CCDC14: variants seen among roughly 807,000 people sequenced by gnomAD.
CCDC14 encodes coiled-coil domain-containing protein 14.
Under a neutral mutation model 81.4 loss-of-function variants are expected in CCDC14, and 71 were observed. The ratio of observed to expected loss-of-function variants is 0.87; its 90% confidence interval spans 0.72 to 1.06. CCDC14 has a LOEUF of 1.06. Ranked by LOEUF, CCDC14 falls within the 50% of genes least tolerant of loss-of-function variation. The pLI, the probability that CCDC14 is intolerant of heterozygous loss-of-function variation, is 0.00. For missense variants in CCDC14, 1,046 were observed against 1,047.3 expected (o/e 1.00, Z 0.02); for synonymous variants, 332 against 364.8 (o/e 0.91, Z 1.03).
downstream of CCDC14, among the ~76,000 whole-genome samples, chr3:123,896,367 A>G (rs1052630079): frequency 6.6e-6 from 1 of 152,164 alleles, no homozygotes; most frequent in African/African-American, 2.4e-5. Context: ...ATAAATGAAT[A>G]CCTTTTATTT....
chr3:123,947,444 A>G, intron 7 of CCDC14, 125 bp from the exon 8 acceptor site: 1 of 667,920 alleles, frequency 1.5e-6, no homozygotes, highest in Non-Finnish European at 2.4e-6. Context: ...CATTTTGTGA[A>G]TATTTAATAA....
At chr3:123,926,771 A>T (rs538117112) in intron 12 of CCDC14, among the ~76,000 whole-genome samples, 11 of 151,650 alleles carry the variant, frequency 7.3e-5, no homozygotes, top group Non-Finnish European at 1.6e-4. Flanking sequence ...CAGTCCCATT[A>T]CTCCTCCCCC....
chr3:123,939,727 G>A (rs1214142849), intron 9 of CCDC14, among the ~76,000 whole-genome samples: 1 of 151,636 alleles, frequency 6.6e-6, no homozygotes, highest in Non-Finnish European at 1.5e-5. Flanking sequence ...ACAAATATTT[G>A]TTAGAGTGAG....
At chr3:123,952,753 G>C in intron 5 of CCDC14, 1 of 329,226 alleles carries the variant, frequency 3.0e-6, no homozygotes, top group Non-Finnish European at 7.2e-6. Context: ...TAGTTAACAT[G>C]CTGTAATAGA....
chr3:123,919,040 T>A (rs2034884154), intron 12 of CCDC14, among the ~76,000 whole-genome samples: 1 of 151,944 alleles, frequency 6.6e-6, no homozygotes, highest in Admixed American at 6.6e-5. Flanking sequence ...GAGCATCTGG[T>A]CCCATAAGAA....
chr3:123,919,939 C>G (rs1055075805), intron 12 of CCDC14, among the ~76,000 whole-genome samples: 2 of 151,862 alleles, frequency 1.3e-5, no homozygotes, highest in Non-Finnish European at 2.9e-5. Flanking sequence ...AAATGAGAGA[C>G]AAAGAATTGA....
chr3:123,898,577 T>C (rs997663528), intron 5 of CCDC14, among the ~76,000 whole-genome samples: 6 of 152,212 alleles, frequency 3.9e-5, no homozygotes, highest in Non-Finnish European at 7.3e-5. Flanking sequence ...AGGGAACTTA[T>C]AGGTGAGTGG....
downstream of CCDC14, among the ~76,000 whole-genome samples, chr3:123,908,740 G>C (rs557371780): frequency 1.3e-5 from 2 of 152,224 alleles, no homozygotes; most frequent in Admixed American, 1.3e-4. Context: ...TTGGGATATG[G>C]GGAGGGGAGA....
At chr3:123,947,467 A>G (rs2036719656) in intron 7 of CCDC14, 148 bp from the exon 8 acceptor site, 5 of 610,630 alleles carry the variant, frequency 8.2e-6, no homozygotes, top group South Asian at 7.9e-5. Context: ...AGTTACCACT[A>G]TATTTTGAGG....
Position 123,913,464 on chromosome 3 carries a change from T to C in CCDC14, c.*1315A>G. 1.0e-6 allele frequency: 1 copy of C among 980,614 alleles called. No homozygotes were observed. Among genetic ancestry groups the C allele is most frequent in the South Asian group, 4.7e-5 (1 of 21,172 alleles). 60.7% of individuals were successfully genotyped at this position (980,614 alleles called of 1,614,324 possible). A position where few individuals can be genotyped will look rare whatever the true frequency, so the allele number is the denominator to read the frequency against. ...TATTTTTTATTTCTGAACTTATTTGTTAAAGAGTTGTGGCCTATTACCTCC... is the reference window on the plus strand; with the variant it reads ...TATTTTTTATTTCTGAACTTATTTGCTAAAGAGTTGTGGCCTATTACCTCC... On this transcript the variant is annotated 3_prime_UTR_variant, in exon 13 of 13. Coordinates refer to ENST00000409697, the MANE Select transcript of CCDC14 (RefSeq NM_001366335.1).
Position 123,915,478 on chromosome 3 carries a change from G to A in CCDC14, c.2019C>T (p.Asp673=). The A allele has an allele frequency of 6.2e-7, 1 of 1,613,962 alleles. No individual in the cohort carries two copies. The highest frequency in any genetic ancestry group is 8.5e-7 in the Non-Finnish European group (1 of 1,179,874). ...TIKNEETIEP[D]KTYENVLSSR... is the part of the protein sequence containing the mutation. ...AGGACAGAACATTTTCATAGGTTTT[G>A]TCTGGCTCTATGGTTTCCTCATTTT... The change falls in exon 13 of 13, where the codon GAC becomes GAT. Residue 673 remains aspartate, a synonymous_variant. Coordinates refer to ENST00000409697, the MANE Select transcript of CCDC14 (RefSeq NM_001366335.1).
In CCDC14 at chr3:123,913,705, A is replaced by G. The variant is rs907294573; in HGVS notation, c.*1074T>C. On this transcript the variant is annotated 3_prime_UTR_variant, in exon 13 of 13. Transcript: ENST00000409697. ...AAAAAAAACCACCAAAAAAACAAAA[A>G]ACACGAGGAGGTTCTGGGATTAGGA... The G allele has an allele frequency of 1.0e-6, 1 of 984,996 alleles. No homozygotes were observed. Among genetic ancestry groups the G allele is most frequent in the Non-Finnish European group, 1.2e-6 (1 of 829,852 alleles). The allele number at this position is 984,996 out of a possible 1,614,324, so 61.0% of individuals were successfully genotyped here.
At chr3:123,911,692 T>C (rs894045358), downstream of CCDC14, among the ~76,000 whole-genome samples, 2 of 152,164 alleles carry the variant, frequency 1.3e-5, no homozygotes, top group African/African-American at 4.8e-5. Flanking sequence ...TCAGAGCCTA[T>C]AATAGTAACT....
chr3:123,911,671 TTGC>T (rs1459920338), downstream of CCDC14, among the ~76,000 whole-genome samples: 11 of 152,216 alleles, frequency 7.2e-5, no homozygotes, highest in Non-Finnish European at 1.5e-4. Context: ...GTCCTGTTTA[TTGC>T]TGTCTTCTCA....
intron 9 of CCDC14, among the ~76,000 whole-genome samples, chr3:123,934,135 T>C (rs2035914387): frequency 6.6e-6 from 1 of 151,924 alleles, no homozygotes; most frequent in Admixed American, 6.6e-5. Flanking sequence ...TAGCTGGGCG[T>C]AGTGGCGCGT....
intron 1 of CCDC14, among the ~76,000 whole-genome samples, chr3:123,960,756 A>T (rs2148979347): frequency 6.6e-6 from 1 of 152,314 alleles, no homozygotes; most frequent in South Asian, 2.1e-4. Flanking sequence ...TTGAGACAGG[A>T]TTTTATGCTT....
Position 123,946,981 on chromosome 3 carries a change from T to C in CCDC14, c.1023A>G (p.Lys341=), listed in dbSNP as rs1481544240. 4 of 1,613,990 alleles carry C rather than the reference T, an allele frequency of 2.5e-6. No individual in the cohort carries two copies. The highest frequency in any genetic ancestry group is 3.4e-6 in the Non-Finnish European group (4 of 1,179,854). The part of the protein sequence containing the change: ...QPAFLATNEE[K]CAREQIREAT... ...CCTCTCTAATTTGCTCTCTGGCACA[T>C]TTTTCTTCATTAGTGGCCAAGAAAG... Residue 341 remains lysine (K), a synonymous_variant, in exon 8 of 13, where the codon AAA becomes AAG. Coordinates refer to ENST00000409697, the MANE Select transcript of CCDC14 (RefSeq NM_001366335.1).
chr3:123,887,369 G>T, the CCDC14 span, among the ~76,000 whole-genome samples: 6 of 151,996 alleles, frequency 3.9e-5, no homozygotes, highest in Admixed American at 6.6e-5. Context: ...TATGCTCTGA[G>T]TTCTTGCATG....
intron 12 of CCDC14, among the ~76,000 whole-genome samples, chr3:123,917,281 G>C (rs1167801772): frequency 6.6e-6 from 1 of 151,344 alleles, no homozygotes; most frequent in African/African-American, 2.4e-5. Context: ...ATCACCTGAG[G>C]TCAGGAGTTC....
Sources: gnomAD v4.1 joint callset for allele counts (sites outside exome capture counted in the v4.1 genomes callset) on GRCh38, gnomAD v4.1.1 for gene constraint, MANE v1.5 for transcripts, NCBI Gene and HGNC (gene_info 2026-07-23, HGNC 2026-07-21) for gene names.